Variants in CCDC178 observed in about 807,000 individuals in gnomAD.
CCDC178 encodes coiled-coil domain-containing protein 178.
In CCDC178, 126 loss-of-function variants were observed where a neutral mutation model predicts 117.4. That is an observed-to-expected ratio of 1.07 (90% CI 0.93 to 1.24). The LOEUF is 1.24. Among genes scored for constraint, CCDC178 ranks in the 50% most tolerant of loss-of-function variants. The pLI is 0.00. For missense variants in CCDC178, 1,030 were observed against 986.9 expected (o/e 1.04, Z -0.59); for synonymous variants, 283 against 313.4 (o/e 0.90, Z 1.02).
intron 20 of CCDC178, among the ~76,000 whole-genome samples, chr18:33,106,021 C>A (rs2057699756): frequency 6.6e-6 from 1 of 151,622 alleles, no homozygotes; most frequent in Admixed American, 6.6e-5. Flanking sequence ...ATTTGAATGA[C>A]CTTATCCCAA....
chr18:33,070,077 A>C (rs2057081994), intron 21 of CCDC178, among the ~76,000 whole-genome samples: 1 of 152,156 alleles, frequency 6.6e-6, no homozygotes, highest in South Asian at 2.1e-4. Context: ...TGTTGGTAGA[A>C]ATGTAAAATT....
chr18:32,974,377 A>AT (rs1205644186), intron 22 of CCDC178, among the ~76,000 whole-genome samples, 170 bp downstream of exon 22: 1 of 152,192 alleles, frequency 6.6e-6, no homozygotes, highest in Non-Finnish European at 1.5e-5. Context: ...TATGCATGGT[A>AT]TATGTGCTAA....
At chr18:32,957,972 G>A (rs956275159) in intron 22 of CCDC178, 1 of 268,102 alleles carries the variant, frequency 3.7e-6, no homozygotes, top group African/African-American at 2.2e-5. Flanking sequence ...TACCTCTTTA[G>A]TTAATAAATG....
intron 12 of CCDC178, among the ~76,000 whole-genome samples, chr18:33,290,495 G>A (rs1369884809): frequency 6.6e-6 from 1 of 152,064 alleles, no homozygotes. Context: ...TAGATCATGG[G>A]TATGTTTAGA....
chr18:33,389,944 G>C (rs1480364983), intron 4 of CCDC178, among the ~76,000 whole-genome samples: 3 of 150,856 alleles, frequency 2.0e-5, no homozygotes. Flanking sequence ...GCAGAGATTT[G>C]TGTGTAAGCT....
intron 2 of CCDC178, among the ~76,000 whole-genome samples, chr18:33,418,590 AC>A (rs2063980045): frequency 1.3e-5 from 2 of 150,774 alleles, no homozygotes; most frequent in African/African-American, 2.4e-5. Flanking sequence ...AAAAAAAAAA[AC>A]CGATAGTCTC....
intron 20 of CCDC178, among the ~76,000 whole-genome samples, chr18:33,110,382 A>C (rs2057764884): frequency 6.6e-6 from 1 of 151,550 alleles, no homozygotes; most frequent in Admixed American, 6.6e-5. Context: ...GATGAATGGA[A>C]CATCTCAATT....
chr18:33,210,579 G>T (rs2059095491), intron 20 of CCDC178, among the ~76,000 whole-genome samples: 2 of 152,022 alleles, frequency 1.3e-5, no homozygotes, highest in Admixed American at 1.3e-4. Flanking sequence ...AGAAAATGTG[G>T]TTGAATTCAA....
At chr18:33,204,487 G>A (rs2059026639) in intron 20 of CCDC178, among the ~76,000 whole-genome samples, 1 of 152,098 alleles carries the variant, frequency 6.6e-6, no homozygotes, top group South Asian at 2.1e-4. Flanking sequence ...ACCAAAAACT[G>A]TTTTAAGTGC....
chr18:33,368,575 CATAGTATCTA>C (rs1414712641), intron 6 of CCDC178, among the ~76,000 whole-genome samples: 1 of 151,684 alleles, frequency 6.6e-6, no homozygotes, highest in Admixed American at 6.6e-5. Flanking sequence ...CCCTATTATC[CATAGTATCTA>C]ACAGTTTATC....
intron 6 of CCDC178, among the ~76,000 whole-genome samples, chr18:33,367,531 C>T (rs941038968): frequency 9.9e-5 from 15 of 151,992 alleles, no homozygotes; most frequent in African/African-American, 3.4e-4. Context: ...ATATTACCAA[C>T]ATTTTTTGGT....
At chr18:33,150,504 G>A (rs751880799) in intron 20 of CCDC178, among the ~76,000 whole-genome samples, 2 of 151,968 alleles carry the variant, frequency 1.3e-5, no homozygotes, top group Non-Finnish European at 2.9e-5. Flanking sequence ...ACTAATATCC[G>A]GCATCTACGA....
rs1176135866 is a variant in CCDC178, at chr18:33,134,556, G to A, written c.2239-41646C>T. On this transcript the variant is annotated intron_variant, in intron 20 of 22. Transcript: ENST00000383096. ...GTAATTTATTCTATCTACATATAAG[G>A]GTTACATTTTCATAGCTGAGTTTTA... Among the ~76,000 whole-genome samples, 4 of 151,928 alleles carry A rather than the reference G, an allele frequency of 2.6e-5. No individual in the cohort carries two copies. The East Asian group carries it at 5.8e-4, about 22-fold the overall frequency.
At position 33,416,794 on chromosome 18, in the gene CCDC178, T is replaced by C. The variant is rs868624164; in HGVS notation, c.-22-4684A>G. ...TCTCAAGGTGTCAGTGAAAGCCACA[T>C]AGGGAGAAGTAACAAGGCATTCCTC... is the stretch of plus-strand genomic sequence containing the variant. On this transcript the variant is annotated intron_variant, in intron 2 of 22. Transcript: ENST00000383096. 1.1e-4 allele frequency among the ~76,000 whole-genome samples: 16 copies of C among 152,200 alleles called. No homozygotes were observed. The South Asian group carries it at 1.9e-3, about 18-fold the overall frequency.
intron 10 of CCDC178, among the ~76,000 whole-genome samples, chr18:33,332,354 A>G (rs1404019523): frequency 1.3e-5 from 2 of 152,198 alleles, no homozygotes; most frequent in Non-Finnish European, 2.9e-5. Flanking sequence ...AAAAATAAAT[A>G]TAATACAAAT....
At chr18:33,392,533 T>C (rs2063577072) in intron 4 of CCDC178, among the ~76,000 whole-genome samples, 1 of 152,098 alleles carries the variant, frequency 6.6e-6, no homozygotes, top group Non-Finnish European at 1.5e-5. Context: ...ATGTCCAGAG[T>C]ATTAAAAGAA....
chr18:33,333,362 A>G lies in CCDC178; in HGVS notation c.691T>C (p.Leu231=). 6.2e-7 allele frequency: 1 copy of G among 1,609,606 alleles called. No homozygotes were observed. The highest frequency in any genetic ancestry group is 1.1e-5 in the South Asian group (1 of 90,900). The change falls in exon 10 of 23, where the codon TTA becomes CTA. Residue 231 remains leucine, a synonymous_variant. Coordinates refer to ENST00000383096, the MANE Select transcript of CCDC178 (RefSeq NM_001105528.4). The part of the protein sequence containing the change: ...HEAYLSDVIE[L]QWHLEDKANQ... ...GCTTTATCTTCAAGATGCCATTGTA[A>G]TTCTATAACATCACTCAAATAGGCC... is the stretch of plus-strand genomic sequence containing the variant.
chr18:33,363,895 T>C (rs796498943), intron 6 of CCDC178, among the ~76,000 whole-genome samples: 18 of 152,196 alleles, frequency 1.2e-4, no homozygotes, highest in African/African-American at 4.3e-4. Context: ...CCTAAATTGT[T>C]CCCATAGAAT....
chr18:33,054,189 A>G (rs1461885846), intron 21 of CCDC178, among the ~76,000 whole-genome samples: 1 of 152,172 alleles, frequency 6.6e-6, no homozygotes, highest in Non-Finnish European at 1.5e-5. Flanking sequence ...AACTGAGTTC[A>G]CTTCGCAATA....
Sources: allele counts gnomAD v4.1 joint callset (sites outside exome capture counted in the v4.1 genomes callset), GRCh38; gene constraint gnomAD v4.1.1; transcripts MANE v1.5; gene names NCBI Gene and HGNC (gene_info 2026-07-23, HGNC 2026-07-21).